The following IQUB variants were observed in gnomAD, a reference collection of about 807,000 sequenced individuals.
The protein encoded by IQUB is IQ motif and ubiquitin domain containing.
A neutral mutation model predicts 86.4 loss-of-function variants in IQUB; 86 were observed. The observed-to-expected ratio is 1.00, with a 90% CI of 0.84 to 1.19. IQUB has a LOEUF of 1.19. Ranked by LOEUF, IQUB falls within the 50% of genes most tolerant of loss-of-function variation. The pLI, the probability that IQUB is intolerant of heterozygous loss-of-function variation, is 0.00. For missense variants in IQUB, 946 were observed against 916.9 expected (o/e 1.03, Z -0.41); for synonymous variants, 289 against 304.5 (o/e 0.95, Z 0.53).
At chr7:123,482,938 T>C (rs917520238) in intron 7 of IQUB, among the ~76,000 whole-genome samples, 1 of 152,162 alleles carries the variant, frequency 6.6e-6, no homozygotes, top group African/African-American at 2.4e-5. Flanking sequence ...AGGTTGAAAC[T>C]GCAGCCCACT....
intron 1 of IQUB, among the ~76,000 whole-genome samples, chr7:123,530,518 A>T (rs571101512): frequency 4.5e-4 from 68 of 152,256 alleles, no homozygotes; most frequent in South Asian, 2.9e-3. Context: ...AAAAAAATTT[A>T]AAAAAGCACT....
intron 1 of IQUB, among the ~76,000 whole-genome samples, chr7:123,526,331 G>A (rs1797206157): frequency 1.3e-5 from 2 of 151,656 alleles, no homozygotes; most frequent in South Asian, 2.1e-4. Flanking sequence ...TAATGTGTGG[G>A]AGTCTAAGTC....
At chr7:123,473,337 C>CATGG (rs2117039845) in intron 8 of IQUB, among the ~76,000 whole-genome samples, 1 of 152,292 alleles carries the variant, frequency 6.6e-6, no homozygotes, top group African/African-American at 2.4e-5. Context: ...ACACAGCTAA[C>CATGG]ATGGATTGCA....
chr7:123,520,681 G>A (rs961289064), intron 1 of IQUB, among the ~76,000 whole-genome samples: 1 of 152,068 alleles, frequency 6.6e-6, no homozygotes, highest in Non-Finnish European at 1.5e-5. Context: ...TGTGGGGAGA[G>A]GGCATTAGAT....
At chr7:123,511,840 A>T in intron 2 of IQUB, 104 bp downstream of exon 2, 1 of 817,504 alleles carries the variant, frequency 1.2e-6, no homozygotes, top group Non-Finnish European at 1.9e-6. Flanking sequence ...AGGGAAAGGA[A>T]TATCAAATAT....
In IQUB at chr7:123,461,618, T is replaced by TA. The variant is rs757437227; in HGVS notation, c.1759-14dup. 14 of 1,537,256 alleles carry TA rather than the reference T, an allele frequency of 9.1e-6. No homozygotes were observed. In the South Asian group the frequency reaches 1.1e-4, roughly 12 times the overall value. On this transcript the variant is annotated splice_polypyrimidine_tract_variant and intron_variant, in intron 10 of 12. Transcript: ENST00000324698. ...GGTCTTGAGGGACCTAAATAAATAG[T>TA]AAAAAAAGAAAAAAAAGGTCTAAAA... is the stretch of plus-strand genomic sequence containing the variant.
At chr7:123,529,616 G>C (rs1417559875) in intron 1 of IQUB, among the ~76,000 whole-genome samples, 4 of 149,076 alleles carry the variant, frequency 2.7e-5, no homozygotes, top group African/African-American at 9.8e-5. Flanking sequence ...GCTGGATGCA[G>C]TGGCTCATGC....
chr7:123,498,448 T>C (rs1423784070), intron 6 of IQUB, among the ~76,000 whole-genome samples: 1 of 152,078 alleles, frequency 6.6e-6, no homozygotes, highest in Non-Finnish European at 1.5e-5. Flanking sequence ...AATAATATAA[T>C]GAACCAAGAA....
chr7:123,456,322 A>G (rs530462295), intron 12 of IQUB, among the ~76,000 whole-genome samples: 1 of 152,234 alleles, frequency 6.6e-6, no homozygotes, highest in Admixed American at 6.6e-5. Flanking sequence ...CATGGGTCCT[A>G]GATGAAATGA....
chr7:123,502,363 C>A, intron 6 of IQUB: 2 of 488,938 alleles, frequency 4.1e-6, no homozygotes, highest in South Asian at 5.2e-5. Flanking sequence ...AAAGGCAATA[C>A]ACAAAGAAGC....
At chr7:123,455,609 A>G (rs1187195929) in intron 12 of IQUB, among the ~76,000 whole-genome samples, 2 of 152,126 alleles carry the variant, frequency 1.3e-5, no homozygotes, top group South Asian at 4.1e-4. Context: ...TTTTTTATAG[A>G]CGAGAAAGCT....
At chr7:123,519,474 GAATGA>G (rs1005017141) in intron 1 of IQUB, among the ~76,000 whole-genome samples, 26 of 152,276 alleles carry the variant, frequency 1.7e-4, no homozygotes, top group African/African-American at 6.3e-4. Flanking sequence ...CCATAAAAAA[GAATGA>G]AATTATGTCA....
intron 1 of IQUB, among the ~76,000 whole-genome samples, chr7:123,531,037 T>C (rs906957430): frequency 3.3e-5 from 5 of 152,148 alleles, no homozygotes; most frequent in African/African-American, 4.8e-5. Context: ...ATAGGAAAAC[T>C]GGAACTGTCA....
chr7:123,527,094 C>A (rs980533243), intron 1 of IQUB, among the ~76,000 whole-genome samples: 2 of 152,186 alleles, frequency 1.3e-5, no homozygotes, highest in African/African-American at 4.8e-5. Flanking sequence ...CCCTTCCTTC[C>A]AGTTGATCAC....
In IQUB at chr7:123,457,548, G is replaced by A. The variant is rs960055446; in HGVS notation, c.2026C>T (p.Leu676=). The change falls in exon 12 of 13, where the codon CTG becomes TTG. Residue 676 remains leucine (L), a synonymous_variant. Transcript: ENST00000324698. ...TGGGACGCCCAGATGTTCTCTGTCA[G>A]GTACTGAATGTCTTGTAGCTGCATG... is the stretch of plus-strand genomic sequence containing the variant. ...FLMQLQDIQY[L]TENIWASQSV... 3 of 1,602,820 alleles carry A rather than the reference G, an allele frequency of 1.9e-6. No individual in the cohort carries two copies. Among genetic ancestry groups the A allele is most frequent in the Non-Finnish European group, 2.6e-6 (3 of 1,176,398 alleles).
intron 3 of IQUB, among the ~76,000 whole-genome samples, chr7:123,503,713 T>C (rs1482485363): frequency 6.6e-6 from 1 of 151,750 alleles, no homozygotes; most frequent in Non-Finnish European, 1.5e-5. Context: ...TGAACACATA[T>C]CATTTAATTA....
At chr7:123,530,672 A>ATTTTT (rs377272603) in intron 1 of IQUB, among the ~76,000 whole-genome samples, 60 of 99,452 alleles carry the variant, frequency 6.0e-4, no homozygotes, top group African/African-American at 2.1e-3. Context: ...TTGCTCTTTG[A>ATTTTT]TTTTTTTTTT....
chr7:123,512,476 C>A (rs1796464342), intron 1 of IQUB, 132 bp from the exon 2 acceptor site: 2 of 488,830 alleles, frequency 4.1e-6, no homozygotes, highest in African/African-American at 3.9e-5. Flanking sequence ...AAATGTTTAT[C>A]TTAGTAATAG....
At chr7:123,529,241 T>C (rs540791705) in intron 1 of IQUB, among the ~76,000 whole-genome samples, 1 of 152,082 alleles carries the variant, frequency 6.6e-6, no homozygotes, top group Non-Finnish European at 1.5e-5. Context: ...ATATAATATA[T>C]ATACATTTAA....
Sources: gnomAD v4.1 joint callset for allele counts (sites outside exome capture counted in the v4.1 genomes callset) on GRCh38, gnomAD v4.1.1 for gene constraint, MANE v1.5 for transcripts, NCBI Gene and HGNC (gene_info 2026-07-23, HGNC 2026-07-21) for gene names.